Variants in MRPL47 observed in about 807,000 individuals in gnomAD.
The protein encoded by MRPL47 is large ribosomal subunit protein uL29m.
In MRPL47, 31 loss-of-function variants were observed where a neutral mutation model predicts 34.0. That is an observed-to-expected ratio of 0.91 (90% CI 0.68 to 1.23). MRPL47 has a LOEUF of 1.23. MRPL47 is among the 50% of genes most tolerant of loss of function. MRPL47 has a pLI of 0.00. For synonymous variants in MRPL47, 106 were observed against 101.6 expected (o/e 1.04, Z -0.26); for missense variants, 328 against 285.8 (o/e 1.15, Z -1.07).
chr3:179,593,435 G>C (rs1408133945), intron 5 of MRPL47, among the ~76,000 whole-genome samples: 1 of 152,180 alleles, frequency 6.6e-6, no homozygotes, highest in African/African-American at 2.4e-5. Flanking sequence ...ATGTGTACAT[G>C]TACATTTTTC....
At chr3:179,604,428 C>A (rs1045336493) in intron 1 of MRPL47, 99 bp downstream of exon 1, 2 of 1,182,892 alleles carry the variant, frequency 1.7e-6, no homozygotes, top group Non-Finnish European at 2.4e-6. Flanking sequence ...TCCAGGCGGC[C>A]GTTCCATTCT....
At chr3:179,604,469 CAACCA>C in intron 1 of MRPL47, 53 bp downstream of exon 1, 8 of 1,520,588 alleles carry the variant, frequency 5.3e-6, no homozygotes, top group Non-Finnish European at 7.2e-6. Context: ...GGCATCTCGG[CAACCA>C]AACAAGATCC....
Position 179,602,775 on chromosome 3 carries a change from T to G in MRPL47, c.121A>C (p.Lys41Gln). Residue 41 changes from lysine to glutamine, a missense_variant, in exon 2 of 7, where the codon AAG becomes CAG. Coordinates refer to ENST00000476781, the MANE Select transcript of MRPL47 (RefSeq NM_020409.3). ...CTGFFLSLLP[K>Q]STPNVTSFHQ... Reference sequence around the variant, plus strand: ...AAGGATGTCACATTTGGTGTACTCTTAGGCAACAAACTAAGAAAAAACCTG... The same window carrying G: ...AAGGATGTCACATTTGGTGTACTCTGAGGCAACAAACTAAGAAAAAACCTG... 6.2e-7 allele frequency: 1 copy of G among 1,606,536 alleles called. No individual in the cohort carries two copies. The highest frequency in any genetic ancestry group is 8.5e-7 in the Non-Finnish European group (1 of 1,178,344).
At chr3:179,589,737 G>C (rs1362765247) in intron 6 of MRPL47, among the ~76,000 whole-genome samples, 2 of 152,096 alleles carry the variant, frequency 1.3e-5, no homozygotes, top group African/African-American at 4.8e-5. Flanking sequence ...AGAAAATTGA[G>C]ATAACACGTA....
At chr3:179,592,617 T>A in intron 6 of MRPL47, 27 bp downstream of exon 6, 1 of 1,353,250 alleles carries the variant, frequency 7.4e-7, no homozygotes, top group Non-Finnish European at 1.1e-6. Context: ...AAAGATAATA[T>A]GTTTTATTAA....
At chr3:179,591,803 C>T (rs1718678865) in intron 6 of MRPL47, among the ~76,000 whole-genome samples, 1 of 152,086 alleles carries the variant, frequency 6.6e-6, no homozygotes, top group Admixed American at 6.6e-5. Flanking sequence ...TGAAAGGATA[C>T]ATACTACAAT....
chr3:179,599,353 G>A (rs958023191), intron 3 of MRPL47, among the ~76,000 whole-genome samples: 1 of 152,214 alleles, frequency 6.6e-6, no homozygotes, highest in Non-Finnish European at 1.5e-5. Context: ...TGAGTGGAGA[G>A]TAGAGAAGGC....
In MRPL47 at chr3:179,588,856, T is replaced by TAA. The variant is rs1553778884; in HGVS notation, c.*14_*15dup. ...TTCAAGAAAAACAAAATGGTAAATT[T>TAA]AATAGTTCAGACATCTTAGACAAGA... On this transcript the variant is annotated 3_prime_UTR_variant, in exon 7 of 7. Coordinates refer to ENST00000476781, the MANE Select transcript of MRPL47 (RefSeq NM_020409.3). 1 of 1,608,052 alleles carries TAA rather than the reference T, an allele frequency of 6.2e-7. No homozygotes were observed. The highest frequency in any genetic ancestry group is 1.3e-5 in the African/African-American group (1 of 74,398).
chr3:179,592,521 T>C (rs939649554), intron 6 of MRPL47, 123 bp downstream of exon 6: 3 of 626,026 alleles, frequency 4.8e-6, no homozygotes, highest in South Asian at 2.3e-5. Flanking sequence ...ATAATACTTA[T>C]GTAATAACAG....
At chr3:179,602,907 A>G (rs950883013) in intron 1 of MRPL47, 110 bp from the exon 2 acceptor site, 1 of 919,944 alleles carries the variant, frequency 1.1e-6, no homozygotes, top group African/African-American at 1.8e-5. Context: ...AACATTTTAA[A>G]AAGCTACTCA....
chr3:179,588,719 G>A lies in MRPL47; in HGVS notation c.*153C>T. ...AAGCAAATTAGCTTCTACCAAATTAGCTAATTAGCATGCCATATTCACACT... is the reference window on the plus strand; with the variant it reads ...AAGCAAATTAGCTTCTACCAAATTAACTAATTAGCATGCCATATTCACACT... On this transcript the variant is annotated 3_prime_UTR_variant, in exon 7 of 7. Transcript: ENST00000476781. 1 of 620,968 alleles carries A rather than the reference G, an allele frequency of 1.6e-6. No individual in the cohort carries two copies. Among genetic ancestry groups the A allele is most frequent in the Non-Finnish European group, 2.6e-6 (1 of 378,892 alleles). The allele number at this position is 620,968 out of a possible 1,614,324, so 38.5% of individuals were successfully genotyped here.
At position 179,602,783 on chromosome 3, in the gene MRPL47, A is replaced by C. The variant is rs1269715118; in HGVS notation, c.113T>G (p.Leu38Trp). 6.2e-7 allele frequency: 1 copy of C among 1,602,966 alleles called. No individual in the cohort carries two copies. The highest frequency in any genetic ancestry group is 1.3e-5 in the African/African-American group (1 of 74,372). The change falls in exon 2 of 7, where the codon TTG (leucine) becomes TGG (tryptophan). Residue 38 changes from leucine (L) to tryptophan (W), a missense_variant. By Grantham distance (61) the Leu-to-Trp change is moderately conservative. Coordinates refer to ENST00000476781, the MANE Select transcript of MRPL47 (RefSeq NM_020409.3). ...VPACTGFFLS[L>W]LPKSTPNVTS... The stretch of plus-strand genomic sequence containing the variant: ...CACATTTGGTGTACTCTTAGGCAAC[A>C]AACTAAGAAAAAACCTGCAATTGAA...
Position 179,604,563 on chromosome 3 carries a change from C to T in MRPL47, c.62G>A (p.Arg21Gln). ...RRVSSALKSS[R>Q]SLITPQVPAC... ...AGGGACCTGAGGAGTTATTAACGATCGGGAAGATTTCAGGGCGGATGAAAC... is the reference window on the plus strand; with the variant it reads ...AGGGACCTGAGGAGTTATTAACGATTGGGAAGATTTCAGGGCGGATGAAAC... The change falls in exon 1 of 7, where the codon CGA (arginine) becomes CAA (glutamine). Residue 21 changes from arginine (R) to glutamine (Q), a missense_variant. Physicochemically the swap from Arg to Gln is conservative, Grantham distance 43. Transcript: ENST00000476781. 3 of 1,614,186 alleles carry T rather than the reference C, an allele frequency of 1.9e-6. No homozygotes were observed. Among genetic ancestry groups the T allele is most frequent in the East Asian group, 2.2e-5 (1 of 44,878 alleles).
chr3:179,601,297 A>T (rs1718919892), intron 3 of MRPL47, among the ~76,000 whole-genome samples: 1 of 152,000 alleles, frequency 6.6e-6, no homozygotes, highest in Non-Finnish European at 1.5e-5. Flanking sequence ...GGTCCCAGAT[A>T]CTCAGGAGGC....
intron 2 of MRPL47, among the ~76,000 whole-genome samples, chr3:179,602,235 T>G (rs1718942873): frequency 1.3e-5 from 2 of 152,026 alleles, no homozygotes; most frequent in African/African-American, 4.8e-5. Context: ...TCCCAGCTAC[T>G]CAGGAGGCTG....
At chr3:179,595,341 A>C (rs928542793) in intron 4 of MRPL47, among the ~76,000 whole-genome samples, 4 of 152,104 alleles carry the variant, frequency 2.6e-5, no homozygotes, top group African/African-American at 9.7e-5. Context: ...GAGCCATTGC[A>C]CCTGGCCCAT....
chr3:179,602,098 C>T (rs373640804), intron 2 of MRPL47, among the ~76,000 whole-genome samples: 79 of 152,324 alleles, frequency 5.2e-4, no homozygotes, highest in African/African-American at 1.9e-3. Flanking sequence ...ATTCCCAACG[C>T]TTTGGGAGGC....
In MRPL47 at chr3:179,602,679, T is replaced by G. The variant is rs1718954957; in HGVS notation, c.217A>C (p.Asn73His). 1.9e-6 allele frequency: 3 copies of G among 1,612,406 alleles called. No homozygotes were observed. The East Asian group carries it at 6.7e-5, about 36-fold the overall frequency. The change falls in exon 2 of 7, where the codon AAC becomes CAC. Residue 73 changes from asparagine to histidine, a missense_variant. Coordinates refer to ENST00000476781, the MANE Select transcript of MRPL47 (RefSeq NM_020409.3). The part of the protein sequence containing the change: ...GLEEFFDDPK[N>H]WGQEKVKSGA... ...GATTTTACTTTTTCTTGCCCCCAGT[T>G]TTTTGGGTCATCAAAAAATTCTTCT...
At chr3:179,601,590 T>TA in intron 3 of MRPL47, 140 bp downstream of exon 3, 1 of 599,786 alleles carries the variant, frequency 1.7e-6, no homozygotes, top group Non-Finnish European at 3.0e-6. Context: ...TTCATGATCT[T>TA]AAACATCAGA....
Sources: allele counts gnomAD v4.1 joint callset (sites outside exome capture counted in the v4.1 genomes callset), GRCh38; gene constraint gnomAD v4.1.1; transcripts MANE v1.5; gene names NCBI Gene and HGNC (gene_info 2026-07-23, HGNC 2026-07-21).